PLSCR2: variants seen among roughly 807,000 people sequenced by gnomAD.
The protein encoded by PLSCR2 is PL scramblase 2.
PLSCR2 carries 18 observed loss-of-function variants against 25.3 expected under a neutral mutation model. That is an observed-to-expected ratio of 0.71 (90% CI 0.49 to 1.06). The LOEUF (loss-of-function observed/expected upper bound fraction) is 1.06. Among genes scored for constraint, PLSCR2 ranks in the 50% least tolerant of loss-of-function variants. PLSCR2 has a pLI of 0.00. For missense variants in PLSCR2, 243 were observed against 269.5 expected, an observed-to-expected ratio of 0.90 and a Z score of 0.69; for synonymous variants, 88 against 87.3, an observed-to-expected ratio of 1.01 and a Z score of -0.04.
At chr3:146,393,027 C>CTTTTTT (rs1296969192) in intron 3 of PLSCR2, among the ~76,000 whole-genome samples, 5 of 104,420 alleles carry the variant, frequency 4.8e-5, no homozygotes, top group Admixed American at 1.2e-4. Context: ...ATTTACATTC[C>CTTTTTT]TTTTTTTTTT....
upstream of PLSCR2, among the ~76,000 whole-genome samples, chr3:146,465,208 G>T (rs1343883754): frequency 2.6e-5 from 4 of 152,006 alleles, no homozygotes; most frequent in African/African-American, 9.7e-5. Flanking sequence ...CCTGCTCAAG[G>T]TACCTTATAA....
chr3:146,490,682 C>T (rs1017326550), intron 1 of PLSCR2, among the ~76,000 whole-genome samples: 14 of 152,058 alleles, frequency 9.2e-5, no homozygotes, highest in African/African-American at 2.9e-4. Flanking sequence ...TGCTGTTTTT[C>T]GTTTTCCATT....
chr3:146,438,777 T>C (rs1164410772), downstream of PLSCR2, among the ~76,000 whole-genome samples: 1 of 152,192 alleles, frequency 6.6e-6, no homozygotes, highest in Non-Finnish European at 1.5e-5. Context: ...CATTTACATT[T>C]AAGGTTAATA....
At chr3:146,490,616 T>A (rs1446891290) in intron 1 of PLSCR2, among the ~76,000 whole-genome samples, 1 of 152,144 alleles carries the variant, frequency 6.6e-6, no homozygotes, top group Admixed American at 6.6e-5. Flanking sequence ...TATGTAATGC[T>A]TTGACTTTTT....
At chr3:146,424,159 G>C (rs887216888) in intron 2 of PLSCR2, among the ~76,000 whole-genome samples, 11 of 151,030 alleles carry the variant, frequency 7.3e-5, no homozygotes, top group Admixed American at 7.3e-4. Context: ...CAAGGTATCA[G>C]CATGGTAAGT....
In PLSCR2 at chr3:146,422,040, A is replaced by G. The variant is rs369570994; in HGVS notation, c.101-26119T>C. On this transcript the variant is annotated intron_variant and NMD_transcript_variant, in intron 2 of 3. Transcript: ENST00000463633. ...TCTGGTCAATATGAGTCATAAAACA[A>G]AGCTCTCAGAGACATACAAGTGCAC... 7.9e-5 allele frequency among the ~76,000 whole-genome samples: 12 copies of G among 152,170 alleles called. No homozygotes were observed. The East Asian group carries it at 2.1e-3, about 27-fold the overall frequency.
chr3:146,406,511 A>G (rs2038663411), intron 2 of PLSCR2, among the ~76,000 whole-genome samples: 1 of 152,190 alleles, frequency 6.6e-6, no homozygotes, highest in Non-Finnish European at 1.5e-5. Flanking sequence ...TTGTAAATAC[A>G]TGTCCTGTTG....
At chr3:146,412,144 G>C (rs972621770) in intron 2 of PLSCR2, among the ~76,000 whole-genome samples, 1 of 152,178 alleles carries the variant, frequency 6.6e-6, no homozygotes. Flanking sequence ...GTAAAAACAA[G>C]GTTGGGCATT....
intron 2 of PLSCR2, among the ~76,000 whole-genome samples, chr3:146,401,733 T>C (rs1269746003): frequency 6.6e-6 from 1 of 152,108 alleles, no homozygotes; most frequent in Non-Finnish European, 1.5e-5. Context: ...AAATGAGAGA[T>C]AGGCTAGGTA....
chr3:146,441,802 CT>C lies in PLSCR2; in HGVS notation c.664del (p.Arg222GlufsTer?), dbSNP rs750500535. ...CTGACATTCCAGTCATTACCTAGTT[CT>C]TTCAAAAAACATGTAGTCCTGGATA... On this transcript the variant is annotated frameshift_variant, in exon 7 of 7. Transcript: ENST00000610787. LOFTEE classifies it high-confidence loss of function. 9.4e-6 allele frequency: 15 copies of C among 1,591,980 alleles called. No individual in the cohort carries two copies. The highest frequency in any genetic ancestry group is 1.4e-5 in the African/African-American group (1 of 74,026).
chr3:146,473,659 T>G (rs2042193863), intron 1 of PLSCR2, among the ~76,000 whole-genome samples: 1 of 152,216 alleles, frequency 6.6e-6, no homozygotes, highest in South Asian at 2.1e-4. Context: ...AACACACTGT[T>G]GGTTAACTAA....
chr3:146,416,462 T>A (rs184706606), intron 2 of PLSCR2: 1 of 152,206 alleles, frequency 6.6e-6, no homozygotes, highest in Non-Finnish European at 1.5e-5. Context: ...TCTAAATTCA[T>A]GTTGTTATGG....
At chr3:146,467,133 T>C (rs761995931) in intron 1 of PLSCR2, among the ~76,000 whole-genome samples, 5 of 152,202 alleles carry the variant, frequency 3.3e-5, no homozygotes, top group Admixed American at 6.5e-5. Flanking sequence ...TATGTGTACA[T>C]ACATATATCC....
chr3:146,489,286 C>A (rs2043459255), intron 1 of PLSCR2, among the ~76,000 whole-genome samples: 1 of 152,012 alleles, frequency 6.6e-6, no homozygotes, highest in Admixed American at 6.6e-5. Flanking sequence ...ATGTAACAAA[C>A]CTGCATGTCC....
downstream of PLSCR2, among the ~76,000 whole-genome samples, chr3:146,439,371 T>C (rs889918189): frequency 1.3e-5 from 2 of 152,220 alleles, no homozygotes; most frequent in Non-Finnish European, 2.9e-5. Context: ...GAAGTGTGTT[T>C]TCCAACTTGG....
chr3:146,403,145 C>CACACACAA (rs1553768253), intron 2 of PLSCR2, among the ~76,000 whole-genome samples: 3 of 150,716 alleles, frequency 2.0e-5, no homozygotes, highest in African/African-American at 7.3e-5. Flanking sequence ...ATATTGTAAA[C>CACACACAA]ACACACACAC....
rs1057217595 is a variant in PLSCR2, at chr3:146,412,755, G to A, written c.101-16834C>T. Among the ~76,000 whole-genome samples the A allele has an allele frequency of 1.5e-4, 23 of 152,224 alleles. No homozygotes were observed. In the South Asian group the frequency reaches 2.7e-3, roughly 18 times the overall value. Reference sequence around the variant, plus strand: ...CGCAGATAGCCCCTACTGCTGTGTCGTTCCCCTATTGGCTAGGGTTGGACC... The same window carrying A: ...CGCAGATAGCCCCTACTGCTGTGTCATTCCCCTATTGGCTAGGGTTGGACC... On this transcript the variant is annotated intron_variant and NMD_transcript_variant, in intron 2 of 3. Coordinates refer to the PLSCR2 transcript ENST00000463633.
chr3:146,444,835 T>A (rs2108271530), intron 6 of PLSCR2, among the ~76,000 whole-genome samples: 1 of 152,188 alleles, frequency 6.6e-6, no homozygotes, highest in South Asian at 2.1e-4. Flanking sequence ...CTTCTCTTCC[T>A]TCTTTCCTTC....
intron 2 of PLSCR2, among the ~76,000 whole-genome samples, chr3:146,408,487 C>G (rs6768067): frequency 0.011 from 1,675 of 152,160 alleles, 23 homozygotes; most frequent in African/African-American, 0.039. Context: ...TTATCAGCGG[C>G]CTTTTCAGCT....
Sources: allele counts gnomAD v4.1 joint callset (sites outside exome capture counted in the v4.1 genomes callset), GRCh38; gene constraint gnomAD v4.1.1; transcripts MANE v1.5; gene names NCBI Gene and HGNC (gene_info 2026-07-23, HGNC 2026-07-21).